ATP8B4: variants seen among roughly 807,000 people sequenced by gnomAD.
The protein encoded by ATP8B4 is probable phospholipid-transporting ATPase IM.
Under a neutral mutation model 145.6 loss-of-function variants are expected in ATP8B4, and 133 were observed. That is an observed-to-expected ratio of 0.91 (90% confidence interval 0.79 to 1.05). ATP8B4 has a LOEUF of 1.05. Among genes scored for constraint, ATP8B4 ranks in the 50% least tolerant of loss-of-function variants. ATP8B4 has a pLI of 0.00. For synonymous variants in ATP8B4, 507 were observed against 492.9 expected (o/e 1.03, Z -0.38); for missense variants, 1,458 against 1,425.2 (o/e 1.02, Z -0.37).
At chr15:50,143,581 G>A (rs1447826950) in intron 1 of ATP8B4, among the ~76,000 whole-genome samples, 1 of 108,858 alleles carries the variant, frequency 9.2e-6, no homozygotes, top group African/African-American at 5.4e-5. Context: ...ATCAGTTATT[G>A]ACTATACAGA....
intron 3 of ATP8B4, among the ~76,000 whole-genome samples, chr15:50,055,778 T>C (rs1269464634): frequency 6.6e-6 from 1 of 152,176 alleles, no homozygotes; most frequent in Non-Finnish European, 1.5e-5. Context: ...GTCCACAAAC[T>C]ACTGGCATAA....
At chr15:50,003,040 G>A (rs1441167013) in intron 7 of ATP8B4, among the ~76,000 whole-genome samples, 1 of 152,122 alleles carries the variant, frequency 6.6e-6, no homozygotes, top group Non-Finnish European at 1.5e-5. Context: ...GGGTCTGAAT[G>A]TCTAAAAAGA....
chr15:49,930,960 C>G (rs1339996732), intron 16 of ATP8B4, among the ~76,000 whole-genome samples, 159 bp downstream of exon 16: 3 of 151,990 alleles, frequency 2.0e-5, no homozygotes, highest in Non-Finnish European at 4.4e-5. Context: ...TTATATATCA[C>G]TGCAGTATTG....
chr15:49,870,787 C>T (rs138258097), intron 25 of ATP8B4, among the ~76,000 whole-genome samples: 103 of 152,224 alleles, frequency 6.8e-4, no homozygotes, highest in African/African-American at 2.1e-3. Flanking sequence ...TTCAGGGCTT[C>T]CTAGAAATAA....
At chr15:50,159,599 C>T (rs2044484812) in intron 1 of ATP8B4, among the ~76,000 whole-genome samples, 3 of 152,082 alleles carry the variant, frequency 2.0e-5, no homozygotes, top group Admixed American at 2.0e-4. Context: ...TCAGTTTTTT[C>T]CCCACTCAGT....
intron 6 of ATP8B4, among the ~76,000 whole-genome samples, chr15:50,022,736 T>C (rs2049677867): frequency 6.6e-6 from 1 of 152,220 alleles, no homozygotes; most frequent in South Asian, 2.1e-4. Flanking sequence ...TGGCCTCTGG[T>C]GAAGGTCCTA....
In ATP8B4 at chr15:50,010,866, T is replaced by C. The variant is rs779810693; in HGVS notation, c.414A>G (p.Leu138=). The stretch of plus-strand genomic sequence containing the variant: ...TTACAGCAACAAATTGGTTATTTTC[T>C]AATTTAATGATGTCTCCCACTTTGA... The part of the protein sequence containing the change: ...MNVKVGDIIK[L]ENNQFVAADL... The change falls in exon 7 of 28, where the codon TTA becomes TTG. Residue 138 remains leucine (L), a synonymous_variant. Coordinates refer to ENST00000284509, the MANE Select transcript of ATP8B4 (RefSeq NM_024837.4). 3.2e-6 allele frequency: 5 copies of C among 1,566,524 alleles called. No individual in the cohort carries two copies. The South Asian group carries it at 4.7e-5, about 15-fold the overall frequency.
intron 1 of ATP8B4, among the ~76,000 whole-genome samples, chr15:50,171,206 C>G (rs1595667539): frequency 6.6e-6 from 1 of 152,282 alleles, no homozygotes; most frequent in South Asian, 2.1e-4. Context: ...AACAAACAGA[C>G]TTAACAGATA....
chr15:50,083,270 G>C (rs2054674648), intron 2 of ATP8B4, among the ~76,000 whole-genome samples: 1 of 151,924 alleles, frequency 6.6e-6, no homozygotes, highest in Non-Finnish European at 1.5e-5. Context: ...AAAACTGACT[G>C]TTTTCTTTGA....
chr15:49,886,680 G>A (rs111900625), intron 23 of ATP8B4, among the ~76,000 whole-genome samples: 175 of 152,246 alleles, frequency 1.1e-3, no homozygotes, highest in Middle Eastern at 3.4e-3. Flanking sequence ...TCTAATTCTG[G>A]TTTTTATCTC....
intron 14 of ATP8B4, among the ~76,000 whole-genome samples, chr15:49,947,778 C>A (rs904628636): frequency 2.6e-5 from 4 of 152,072 alleles, no homozygotes; most frequent in African/African-American, 9.7e-5. Flanking sequence ...TAAAGACAGA[C>A]ACAGACCAGT....
chr15:49,878,941 G>A (rs1056693959), intron 24 of ATP8B4, among the ~76,000 whole-genome samples: 11 of 152,158 alleles, frequency 7.2e-5, no homozygotes, highest in Non-Finnish European at 1.6e-4. Flanking sequence ...TCATTGCATG[G>A]TTCTTTATAA....
intron 14 of ATP8B4, among the ~76,000 whole-genome samples, chr15:49,949,098 G>C (rs1383037721): frequency 6.6e-6 from 1 of 152,152 alleles, no homozygotes; most frequent in Non-Finnish European, 1.5e-5. Flanking sequence ...AAGTCAGGTA[G>C]CATGATGCCT....
Position 49,876,379 on chromosome 15 carries a change from C to A in ATP8B4, c.2926G>T (p.Ala976Ser). 2 of 1,614,076 alleles carry A rather than the reference C, an allele frequency of 1.2e-6. No homozygotes were observed. Among genetic ancestry groups the A allele is most frequent in the South Asian group, 2.2e-5 (2 of 91,086 alleles). The change falls in exon 25 of 28, where the codon GCC (alanine) becomes TCC (serine). Residue 976 changes from alanine to serine, a missense_variant. By Grantham distance (99) the Ala-to-Ser change is moderately conservative. Transcript: ENST00000284509. ...TCTTCTCCAGCCACGTTGTAAAAGG[C>A]CCCATAGGGGATGAAGAAAAGGACT... ...SLVLFFIPYG[A>S]FYNVAGEDGQ...
chr15:50,166,455 A>G (rs1474958049), intron 1 of ATP8B4, among the ~76,000 whole-genome samples: 2 of 152,214 alleles, frequency 1.3e-5, no homozygotes. Context: ...TTAACAAAGC[A>G]GGAAATAAGC....
chr15:50,141,101 G>A (rs1173361017), intron 1 of ATP8B4, among the ~76,000 whole-genome samples: 1 of 151,990 alleles, frequency 6.6e-6, no homozygotes, highest in Non-Finnish European at 1.5e-5. Flanking sequence ...CATCTTCCTT[G>A]TTCCTCTTTC....
chr15:49,966,556 C>T (rs1054078653), intron 13 of ATP8B4, among the ~76,000 whole-genome samples: 1 of 152,256 alleles, frequency 6.6e-6, no homozygotes, highest in Admixed American at 6.5e-5. Flanking sequence ...TGTAGCCAGA[C>T]TGCCTTTCTA....
At position 50,002,211 on chromosome 15, in the gene ATP8B4, G is replaced by T; in HGVS notation, c.448C>A (p.Leu150Ile). The change falls in exon 8 of 28, where the codon CTC (leucine) becomes ATC (isoleucine). Residue 150 changes from leucine to isoleucine, a missense_variant. Coordinates refer to ENST00000284509, the MANE Select transcript of ATP8B4 (RefSeq NM_024837.4). Reference sequence around the variant, plus strand: ...CCATGTGGCTCACTACTTGATAGGAGAAGTAAATCAGCCTATTTTCAAAAA... The same window carrying T: ...CCATGTGGCTCACTACTTGATAGGATAAGTAAATCAGCCTATTTTCAAAAA... ...NNQFVAADLL[L>I]LSSSEPHGLC... is the part of the protein sequence containing the mutation. 1 of 1,609,826 alleles carries T rather than the reference G, an allele frequency of 6.2e-7. No individual in the cohort carries two copies. Among genetic ancestry groups the T allele is most frequent in the Non-Finnish European group, 8.5e-7 (1 of 1,177,062 alleles).
rs559944422 is a variant in ATP8B4, at chr15:50,101,719, A to T, written c.28+5220T>A. ...AGTCAACAAGGAAACGATGAACTTA[A>T]ACTATACCCTAAAACAGATGGACTT... On this transcript the variant is annotated intron_variant, in intron 2 of 27. Transcript: ENST00000284509. Among the ~76,000 whole-genome samples, 183 of 152,276 alleles carry T rather than the reference A, an allele frequency of 1.2e-3. 1 individual carries two copies. Among genetic ancestry groups the T allele is most frequent in the African/African-American group, 4.3e-3 (179 of 41,570 alleles).
Sources: allele counts gnomAD v4.1 joint callset (sites outside exome capture counted in the v4.1 genomes callset), GRCh38; gene constraint gnomAD v4.1.1; transcripts MANE v1.5; gene names NCBI Gene and HGNC (gene_info 2026-07-23, HGNC 2026-07-21).